Variants in CNIH3 observed in about 807,000 individuals in gnomAD.
CNIH3 encodes cornichon family AMPA receptor auxiliary protein 3.
A neutral mutation model predicts 24.1 loss-of-function variants in CNIH3; 14 were observed. The ratio of observed to expected loss-of-function variants is 0.58; its 90% confidence interval spans 0.38 to 0.91. CNIH3 has a LOEUF of 0.91. CNIH3 is among the 40% of genes least tolerant of loss of function. The probability of loss-of-function intolerance (pLI) is 0.00; values close to 1 mark genes in which losing one functional copy is unlikely to be tolerated. For synonymous variants in CNIH3, 68 were observed against 73.8 expected, an observed-to-expected ratio of 0.92 and a Z score of 0.40; for missense variants, 178 against 196.8, an observed-to-expected ratio of 0.90 and a Z score of 0.57.
At chr1:224,489,123 T>C (rs943142846) in intron 1 of CNIH3, among the ~76,000 whole-genome samples, 6 of 152,212 alleles carry the variant, frequency 3.9e-5, no homozygotes, top group Non-Finnish European at 7.3e-5. Flanking sequence ...TATGTTTCTC[T>C]GAAGAGTATT....
At chr1:224,676,095 A>G (rs1006088549) in intron 1 of CNIH3, among the ~76,000 whole-genome samples, 3 of 152,256 alleles carry the variant, frequency 2.0e-5, no homozygotes, top group Admixed American at 1.3e-4. Context: ...CAACCCAAAT[A>G]TCCTTTAACA....
In CNIH3 at chr1:224,730,565, A is replaced by T. The variant is rs1483771463; in HGVS notation, c.302A>T (p.His101Leu). Residue 101 changes from histidine to leucine, a missense_variant, in exon 4 of 6, where the codon CAC becomes CTC. By Grantham distance (99) the His-to-Leu change is moderately conservative. Coordinates refer to ENST00000272133, the MANE Select transcript of CNIH3 (RefSeq NM_152495.2). ...LGLNVPLLFY[H>L]FWRYFHCPAD... ...CTGAATGTCCCTCTACTTTTCTATC[A>T]CTTCTGGAGGTAAGTCAGACTGGGA... is the stretch of plus-strand genomic sequence containing the variant. 6.5e-7 allele frequency: 1 copy of T among 1,549,652 alleles called. No homozygotes were observed. Among genetic ancestry groups the T allele is most frequent in the Non-Finnish European group, 8.7e-7 (1 of 1,143,788 alleles).
In CNIH3 at chr1:224,734,714, T is replaced by C; in HGVS notation, c.455+8T>C. On this transcript the variant is annotated splice_region_variant and intron_variant, in intron 5 of 5. Transcript: ENST00000272133. ...CTTCTACTACCTTTACTGGTGAGTA[T>C]CTGCCCCTCCTGGTGGTTTTGACTC... 6.2e-7 allele frequency: 1 copy of C among 1,613,774 alleles called. No homozygotes were observed. Among genetic ancestry groups the C allele is most frequent in the South Asian group, 1.1e-5 (1 of 91,064 alleles).
At chr1:224,611,751 A>G (rs1682711387), upstream of CNIH3, among the ~76,000 whole-genome samples, 1 of 152,224 alleles carries the variant, frequency 6.6e-6, no homozygotes, top group African/African-American at 2.4e-5. Flanking sequence ...CTCAACATCC[A>G]TTCCCAATCA....
intron 1 of CNIH3, among the ~76,000 whole-genome samples, chr1:224,648,619 G>C (rs1285662718): frequency 2.0e-5 from 3 of 152,102 alleles, no homozygotes; most frequent in African/African-American, 4.8e-5. Context: ...TGGGGAGTTT[G>C]CATATTGAGG....
chr1:224,547,074 CTGAATG>C, intron 3 of CNIH3: 1 of 171,592 alleles, frequency 5.8e-6, no homozygotes, highest in Non-Finnish European at 1.2e-5. Flanking sequence ...ATGCTGGAGG[CTGAATG>C]AACAAAAGAA....
At chr1:224,512,813 G>A (rs1412061370), upstream of CNIH3, among the ~76,000 whole-genome samples, 1 of 152,158 alleles carries the variant, frequency 6.6e-6, no homozygotes, top group Non-Finnish European at 1.5e-5. Flanking sequence ...GTGGGTGGGT[G>A]TAGTTTATCT....
chr1:224,559,496 T>A (rs897398097), intron 3 of CNIH3, among the ~76,000 whole-genome samples: 1 of 152,086 alleles, frequency 6.6e-6, no homozygotes, highest in Non-Finnish European at 1.5e-5. Flanking sequence ...TTCCAAGTAG[T>A]TAGAACTACA....
intron 4 of CNIH3, among the ~76,000 whole-genome samples, chr1:224,734,059 G>A (rs936021533): frequency 7.9e-5 from 12 of 152,242 alleles, no homozygotes; most frequent in African/African-American, 2.9e-4. Flanking sequence ...GATGGCTGAT[G>A]TTCTTTTTGA....
rs181911473 is a variant in CNIH3, at chr1:224,598,652, C to T, written n.402+32388C>T. Among the ~76,000 whole-genome samples, 451 of 152,328 alleles carry T rather than the reference C, an allele frequency of 3.0e-3. 1 individual carries two copies. The highest frequency in any genetic ancestry group is 0.01 in the African/African-American group (427 of 41,580). On this transcript the variant is annotated intron_variant and non_coding_transcript_variant, in intron 3 of 7. Transcript: ENST00000478120. ...CCACCCCAACCTTCAGCAACCACCA[C>T]GTTGATCAGTCAGCAGCCATCAACA...
At chr1:224,510,607 AAC>A (rs1231959263) in intron 1 of CNIH3, among the ~76,000 whole-genome samples, 30 of 97,920 alleles carry the variant, frequency 3.1e-4, no homozygotes, top group Non-Finnish European at 4.1e-4. Context: ...AAAAAAAAAA[AAC>A]AAAAAAAAAA....
At chr1:224,648,596 C>T (rs1684727098) in intron 1 of CNIH3, among the ~76,000 whole-genome samples, 1 of 152,090 alleles carries the variant, frequency 6.6e-6, no homozygotes, top group Non-Finnish European at 1.5e-5. Context: ...GAGCAAAGCA[C>T]ACTGTTTGGG....
intron 1 of CNIH3, among the ~76,000 whole-genome samples, chr1:224,473,595 G>GATATA (rs1676453453): frequency 1.3e-5 from 2 of 152,084 alleles, no homozygotes; most frequent in Non-Finnish European, 2.9e-5. Context: ...TCAGCAAGAG[G>GATATA]ATATAACAAT....
At chr1:224,645,207 C>T (rs1390724459) in intron 1 of CNIH3, among the ~76,000 whole-genome samples, 1 of 152,318 alleles carries the variant, frequency 6.6e-6, no homozygotes, top group East Asian at 1.9e-4. Context: ...GATCAGTTCT[C>T]TCTCTCTCCT....
At chr1:224,714,138 A>G (rs1358738591) in intron 3 of CNIH3, among the ~76,000 whole-genome samples, 2 of 152,210 alleles carry the variant, frequency 1.3e-5, no homozygotes, top group Non-Finnish European at 2.9e-5. Flanking sequence ...TAATTGGTGT[A>G]TAACATAGAG....
intron 1 of CNIH3, among the ~76,000 whole-genome samples, chr1:224,501,947 G>A (rs1277522043): frequency 6.6e-6 from 1 of 152,172 alleles, no homozygotes; most frequent in Non-Finnish European, 1.5e-5. Context: ...TCTGTGGTGA[G>A]GAGGCTGGAG....
chr1:224,541,365 C>T (rs1342036668), downstream of CNIH3, among the ~76,000 whole-genome samples: 1 of 152,012 alleles, frequency 6.6e-6, no homozygotes, highest in Admixed American at 6.6e-5. Flanking sequence ...ACTGGCACTA[C>T]TTTAGGCTTA....
chr1:224,716,613 A>C (rs1688443196), intron 3 of CNIH3, among the ~76,000 whole-genome samples: 1 of 152,032 alleles, frequency 6.6e-6, no homozygotes, highest in South Asian at 2.1e-4. Context: ...TGGGGAAGGA[A>C]TGGGGTACAG....
intron 1 of CNIH3, among the ~76,000 whole-genome samples, chr1:224,517,401 G>C (rs10916630): frequency 0.21 from 32,214 of 152,082 alleles, 3,759 homozygotes; most frequent in African/African-American, 0.31. Flanking sequence ...TTACTCACCC[G>C]CCTGGAGTGG....
Sources: gnomAD v4.1 joint callset for allele counts (sites outside exome capture counted in the v4.1 genomes callset) on GRCh38, gnomAD v4.1.1 for gene constraint, MANE v1.5 for transcripts, NCBI Gene and HGNC (gene_info 2026-07-23, HGNC 2026-07-21) for gene names.